The following USP9X variants were observed in gnomAD, a reference collection of about 807,000 sequenced individuals.
The protein encoded by USP9X is ubiquitin carboxyl-terminal hydrolase 9X.
USP9X carries 7 observed loss-of-function variants against 190.3 expected under a neutral mutation model. The ratio of observed to expected loss-of-function variants is 0.04; its 90% CI spans 0.02 to 0.07. The LOEUF (loss-of-function observed/expected upper bound fraction) is 0.07. Ranked by LOEUF, USP9X falls within the 10% of genes least tolerant of loss-of-function variation. The probability of loss-of-function intolerance (pLI) is 1.00; values close to 1 mark genes in which losing one functional copy is unlikely to be tolerated. For missense variants in USP9X, 1,010 were observed against 1,916.9 expected (o/e 0.53, Z 8.83); for synonymous variants, 645 against 659.5 (o/e 0.98, Z 0.34).
At chrX:41,195,741 C>A (rs1261690128) in intron 26 of USP9X, among the ~76,000 whole-genome samples, 2 of 112,034 alleles carry the variant, frequency 1.8e-5, no homozygotes, top group Non-Finnish European at 3.8e-5. Context: ...AATCTAATGC[C>A]ACCGCTGATC....
Position 41,228,221 on chromosome X carries a change from C to T in USP9X, c.7062-1032C>T, listed in dbSNP as rs183162613. 1.4e-4 allele frequency among the ~76,000 whole-genome samples: 16 copies of T among 112,273 alleles called. No homozygotes were observed. The East Asian group carries it at 4.2e-3, about 29-fold the overall frequency. The stretch of plus-strand genomic sequence containing the variant: ...ATCCATGTTATAGCATGTATCATTA[C>T]TTTATAGCTGAATAATATTTTGTTT... On this transcript the variant is annotated intron_variant, in intron 41 of 44. Transcript: ENST00000378308.
At chrX:41,216,689 G>C in intron 35 of USP9X, 37 bp downstream of exon 35, 5 of 1,144,741 alleles carry the variant, frequency 4.4e-6, no homozygotes, top group Non-Finnish European at 5.8e-6. Context: ...TAGTAATAAA[G>C]AATAATTTAT....
At chrX:41,159,233 A>G (rs1423572381) in intron 14 of USP9X, among the ~76,000 whole-genome samples, 1 of 111,940 alleles carries the variant, frequency 8.9e-6, no homozygotes, top group Non-Finnish European at 1.9e-5. Context: ...GGGGAATGAA[A>G]ATCAGAACCA....
intron 3 of USP9X, among the ~76,000 whole-genome samples, chrX:41,130,465 C>G (rs1464108571): frequency 2.1e-5 from 2 of 96,622 alleles, no homozygotes; most frequent in Non-Finnish European, 4.1e-5. Flanking sequence ...TTTTTTTTTT[C>G]TTTTTTTCTT....
chrX:41,213,401 C>G (rs1378151421), intron 33 of USP9X, among the ~76,000 whole-genome samples: 1 of 112,215 alleles, frequency 8.9e-6, no homozygotes, highest in Non-Finnish European at 1.9e-5. Context: ...CTTTGTGTTA[C>G]AAGATTTTGC....
Position 41,189,289 on chromosome X carries a change from T to C in USP9X, c.3811-20T>C, listed in dbSNP as rs1269925887. 44 of 1,196,915 alleles carry C rather than the reference T, an allele frequency of 3.7e-5. No individual in the cohort carries two copies. Among genetic ancestry groups the C allele is most frequent in the Non-Finnish European group, 5.0e-5 (44 of 887,689 alleles). ...TTAAATACTTCTTTGGGTAATTTGT[T>C]CTTGATTGTAATTTTACAGACCAAT... On this transcript the variant is annotated intron_variant, in intron 25 of 44. Transcript: ENST00000378308.
In USP9X at chrX:41,171,978, G is replaced by A; in HGVS notation, c.3148+20G>A. Reference sequence around the variant, plus strand: ...CGCCAGGTAAGAATTTTTAAATGATGATCAAGTACTTGCTGGACAATAAAG... The same window carrying A: ...CGCCAGGTAAGAATTTTTAAATGATAATCAAGTACTTGCTGGACAATAAAG... On this transcript the variant is annotated intron_variant, in intron 21 of 44. Coordinates refer to ENST00000378308, the MANE Select transcript of USP9X (RefSeq NM_001039591.3). 1 of 1,207,520 alleles carries A rather than the reference G, an allele frequency of 8.3e-7. No individual in the cohort carries two copies. The highest frequency in any genetic ancestry group is 2.2e-5 in the Admixed American group (1 of 45,499).
chrX:41,122,441 A>C (rs1405150500), intron 1 of USP9X, among the ~76,000 whole-genome samples: 1 of 112,394 alleles, frequency 8.9e-6, no homozygotes, highest in East Asian at 2.8e-4. Context: ...GTCTAAGTAC[A>C]CATGTTACTG....
chrX:41,228,008 T>C (rs1250526164), intron 41 of USP9X, among the ~76,000 whole-genome samples: 1 of 110,883 alleles, frequency 9.0e-6, no homozygotes, highest in Non-Finnish European at 1.9e-5. Context: ...CCCAGAACAT[T>C]TTTTTTTATT....
chrX:41,124,241 C>T (rs999052798), intron 2 of USP9X, among the ~76,000 whole-genome samples: 4 of 110,287 alleles, frequency 3.6e-5, no homozygotes, highest in Non-Finnish European at 5.7e-5. Flanking sequence ...GTAAGGAGTT[C>T]GAGACCAGCC....
intron 1 of USP9X, among the ~76,000 whole-genome samples, chrX:41,115,319 C>G (rs1157382312): frequency 9.0e-6 from 1 of 110,511 alleles, no homozygotes; most frequent in Non-Finnish European, 1.9e-5. Flanking sequence ...ACAGTTAGGT[C>G]TCTTGTCTCT....
chrX:41,170,696 T>C, intron 20 of USP9X, 77 bp downstream of exon 20: 1 of 984,042 alleles, frequency 1.0e-6, no homozygotes, highest in South Asian at 3.0e-5. Flanking sequence ...TATAGAGTGG[T>C]TCTTTCTTTT....
Position 41,230,521 on chromosome X carries a change from T to C in USP9X, c.7452T>C (p.Ala2484=). Reference sequence around the variant, plus strand: ...ATTAGGAGCCAGATGACCAAGATGCTCCAGATGAACATGAGTCGCCTCCAC... The same window carrying C: ...ATTAGGAGCCAGATGACCAAGATGCCCCAGATGAACATGAGTCGCCTCCAC... The part of the protein sequence containing the change: ...CPEEEPDDQD[A]PDEHESPPPE... The change falls in exon 44 of 45, where the codon GCT becomes GCC. Residue 2484 remains alanine (A), a synonymous_variant. Coordinates refer to ENST00000378308, the MANE Select transcript of USP9X (RefSeq NM_001039591.3). The C allele has an allele frequency of 8.3e-7, 1 of 1,210,966 alleles. No individual in the cohort carries two copies. The highest frequency in any genetic ancestry group is 1.1e-6 in the Non-Finnish European group (1 of 895,132).
rs746453182 is a variant in USP9X at position 41,169,987 on chromosome X, C to A, written c.2637-8C>A. 1 of 1,206,395 alleles carries A rather than the reference C, an allele frequency of 8.3e-7. No homozygotes were observed. Among genetic ancestry groups the A allele is most frequent in the East Asian group, 3.0e-5 (1 of 33,794 alleles). On this transcript the variant is annotated splice_polypyrimidine_tract_variant and splice_region_variant and intron_variant, in intron 18 of 44. Transcript: ENST00000378308. ...TATGATGATGTCTGTCTTTCTTTTT[C>A]CCCCCAGAGCATTCCGCGGTAAACA...
rs1280636878 is a variant in USP9X, at chrX:41,108,405, G to A, written c.-158-15066G>A. 2.7e-5 allele frequency among the ~76,000 whole-genome samples: 3 copies of A among 111,534 alleles called. No individual in the cohort carries two copies. The Admixed American group carries it at 2.9e-4, about 11-fold the overall frequency. On this transcript the variant is annotated intron_variant, in intron 1 of 44. Coordinates refer to ENST00000378308, the MANE Select transcript of USP9X (RefSeq NM_001039591.3). Reference sequence around the variant, plus strand: ...CAGTCTGATCCAGTTAAATTCTCATGCTTTCCAGGGGTAAGTAATCTTTGA... The same window carrying A: ...CAGTCTGATCCAGTTAAATTCTCATACTTTCCAGGGGTAAGTAATCTTTGA...
At chrX:41,175,373 T>C (rs2147135658) in intron 21 of USP9X, among the ~76,000 whole-genome samples, 1 of 110,064 alleles carries the variant, frequency 9.1e-6, no homozygotes, top group South Asian at 3.9e-4. Flanking sequence ...TTTCAAAAAT[T>C]AGCCAGGTGT....
chrX:41,184,793 T>G, intron 23 of USP9X, 118 bp downstream of exon 23: 1 of 602,829 alleles, frequency 1.7e-6, no homozygotes, highest in Non-Finnish European at 2.5e-6. Flanking sequence ...GTGCCTTATT[T>G]CAGAGGTTTT....
chrX:41,196,535 A>C, intron 27 of USP9X, 57 bp from the exon 28 acceptor site: 4 of 1,183,781 alleles, frequency 3.4e-6, no homozygotes, highest in Non-Finnish European at 4.5e-6. Flanking sequence ...TGGGTTTTTA[A>C]AAAAGTGGAT....
chrX:41,205,881 C>CTTTTTTTTTTTT (rs1569193828), intron 32 of USP9X, among the ~76,000 whole-genome samples: 1 of 85,339 alleles, frequency 1.2e-5, no homozygotes, highest in East Asian at 3.4e-4. Flanking sequence ...TTTTCTTTTT[C>CTTTTTTTTTTTT]TTTTTCTTTT....
Sources: gnomAD v4.1 joint callset for allele counts (sites outside exome capture counted in the v4.1 genomes callset) on GRCh38, gnomAD v4.1.1 for gene constraint, MANE v1.5 for transcripts, NCBI Gene and HGNC (gene_info 2026-07-23, HGNC 2026-07-21) for gene names.